The following PHF14 variants were observed in gnomAD, a reference collection of about 807,000 sequenced individuals.
PHF14 encodes the protein PHD finger protein 14.
Under a neutral mutation model 117.9 loss-of-function variants are expected in PHF14, and 55 were observed. That is an observed-to-expected ratio of 0.47 (90% CI 0.38 to 0.58). PHF14 has a LOEUF of 0.58. PHF14 is among the 20% of genes least tolerant of loss of function. The pLI is 0.00. For missense variants in PHF14, 978 were observed against 1,122.2 expected (o/e 0.87, Z 1.84); for synonymous variants, 409 against 368.6 (o/e 1.11, Z -1.26).
At chr7:11,075,563 GGTTTTTTT>G (rs1785807783) in intron 16 of PHF14, among the ~76,000 whole-genome samples, 1 of 104,534 alleles carries the variant, frequency 9.6e-6, no homozygotes, top group South Asian at 3.5e-4. Flanking sequence ...GAAGGAAAGA[GGTTTTTTT>G]TTTTTTTTTT....
chr7:11,133,883 T>G (rs1462838027), intron 17 of PHF14, among the ~76,000 whole-genome samples: 3 of 152,074 alleles, frequency 2.0e-5, no homozygotes, highest in African/African-American at 7.2e-5. Context: ...GAAGAGTTTG[T>G]AGGAAATAAT....
intron 16 of PHF14, chr7:11,062,496 CTT>C (rs1785261817): frequency 6.1e-6 from 1 of 163,228 alleles, no homozygotes; most frequent in Non-Finnish European, 1.3e-5. Flanking sequence ...AGAAGACAGA[CTT>C]TTTATTGACA....
chr7:11,043,461 G>C (rs1388782441), intron 13 of PHF14, among the ~76,000 whole-genome samples: 1 of 152,022 alleles, frequency 6.6e-6, no homozygotes, highest in East Asian at 1.9e-4. Context: ...ACTTTGGAAT[G>C]AACATGAATA....
chr7:11,021,174 T>C (rs1783722025), intron 5 of PHF14, among the ~76,000 whole-genome samples: 1 of 152,242 alleles, frequency 6.6e-6, no homozygotes, highest in Non-Finnish European at 1.5e-5. Flanking sequence ...TAGTTTGTGC[T>C]AGGATGACAA....
At chr7:11,029,373 GTTAC>G (rs200363777) in intron 7 of PHF14, among the ~76,000 whole-genome samples, 1,970 of 152,204 alleles carry the variant, frequency 0.013, 38 homozygotes, top group African/African-American at 0.045. Flanking sequence ...CTATAAAAAT[GTTAC>G]TTACTTTTCT....
At chr7:11,067,711 G>A (rs1430964599) in intron 16 of PHF14, among the ~76,000 whole-genome samples, 2 of 152,204 alleles carry the variant, frequency 1.3e-5, no homozygotes, top group Admixed American at 6.5e-5. Context: ...TTGTTGGGAA[G>A]CTCAAGATTG....
intron 3 of PHF14, among the ~76,000 whole-genome samples, chr7:10,990,427 G>A (rs1445840320): frequency 6.6e-6 from 1 of 152,164 alleles, no homozygotes; most frequent in Non-Finnish European, 1.5e-5. Context: ...GTAGTTAGTT[G>A]CATGCGTGCT....
At chr7:11,082,842 T>C (rs1583448430) in intron 16 of PHF14, among the ~76,000 whole-genome samples, 1 of 152,318 alleles carries the variant, frequency 6.6e-6, no homozygotes, top group Non-Finnish European at 1.5e-5. Context: ...TCTCTTCAAA[T>C]AGCCTATTAA....
chr7:11,167,481 C>G (rs1007207819), intron 17 of PHF14, among the ~76,000 whole-genome samples: 2 of 152,166 alleles, frequency 1.3e-5, no homozygotes, highest in African/African-American at 4.8e-5. Flanking sequence ...CATTATTCCA[C>G]TGTTTCACAT....
chr7:11,018,234 CTT>C (rs1420014048), intron 5 of PHF14, among the ~76,000 whole-genome samples: 1 of 151,956 alleles, frequency 6.6e-6, no homozygotes, highest in African/African-American at 2.4e-5. Flanking sequence ...TCTTCTGGGT[CTT>C]TTGTGGTTCC....
chr7:10,993,267 G>C (rs896595968), intron 4 of PHF14, among the ~76,000 whole-genome samples: 1 of 152,010 alleles, frequency 6.6e-6, no homozygotes, highest in African/African-American at 2.4e-5. Context: ...CCACAAAACA[G>C]TATTTCTATG....
chr7:10,978,833 T>A (rs1379502647), intron 2 of PHF14, among the ~76,000 whole-genome samples: 1 of 152,164 alleles, frequency 6.6e-6, no homozygotes, highest in Non-Finnish European at 1.5e-5. Context: ...CCCGTTTGAG[T>A]ACCACTGGCT....
intron 17 of PHF14, among the ~76,000 whole-genome samples, chr7:11,126,851 G>C (rs1373052310): frequency 6.6e-6 from 1 of 150,814 alleles, no homozygotes; most frequent in Non-Finnish European, 1.5e-5. Context: ...TATAAAAAGA[G>C]ACAAAAAAGT....
chr7:11,049,493 A>C (rs1784781816), intron 13 of PHF14, among the ~76,000 whole-genome samples: 2 of 145,572 alleles, frequency 1.4e-5, no homozygotes, highest in African/African-American at 5.2e-5. Flanking sequence ...AAAAAAAAAA[A>C]GTGTAAATTA....
chr7:11,058,261 G>A (rs1785088704), intron 14 of PHF14, among the ~76,000 whole-genome samples: 1 of 151,858 alleles, frequency 6.6e-6, no homozygotes, highest in African/African-American at 2.4e-5. Context: ...TTGCTTTTTT[G>A]TACCATTTCT....
At chr7:11,104,132 T>C in intron 16 of PHF14, 1 of 984,858 alleles carries the variant, frequency 1.0e-6, no homozygotes, top group Non-Finnish European at 1.2e-6. Context: ...TTTGAGAAAC[T>C]CTTAGGCCTT....
intron 16 of PHF14, chr7:11,102,583 C>T (rs962323851): frequency 2.5e-6 from 4 of 1,596,324 alleles, no homozygotes; most frequent in African/African-American, 1.3e-5. Context: ...GGATTAAACT[C>T]TCGATAGAGT....
At chr7:11,107,352 G>C in intron 16 of PHF14, 4 of 907,538 alleles carry the variant, frequency 4.4e-6, no homozygotes, top group Non-Finnish European at 5.3e-6. Context: ...CATATAGACT[G>C]TGTTTATTTG....
intron 17 of PHF14, among the ~76,000 whole-genome samples, chr7:11,111,685 A>T (rs1787452122): frequency 3.9e-5 from 6 of 152,260 alleles, no homozygotes; most frequent in African/African-American, 1.4e-4. Flanking sequence ...TGGAATATTT[A>T]GTTGTTTTAC....
Sources: allele counts gnomAD v4.1 joint callset (sites outside exome capture counted in the v4.1 genomes callset), GRCh38; gene constraint gnomAD v4.1.1; transcripts MANE v1.5; gene names NCBI Gene and HGNC (gene_info 2026-07-23, HGNC 2026-07-21).